LPCAT3: variants seen among roughly 807,000 people sequenced by gnomAD.
LPCAT3 encodes lysophospholipid acyltransferase 5.
LPCAT3 carries 21 observed loss-of-function variants against 63.4 expected under a neutral mutation model. The ratio of observed to expected loss-of-function variants is 0.33; its 90% CI spans 0.23 to 0.48. The LOEUF (loss-of-function observed/expected upper bound fraction) is 0.48. Ranked by LOEUF, LPCAT3 falls within the 20% of genes least tolerant of loss-of-function variation. The pLI, the probability that LPCAT3 is intolerant of heterozygous loss-of-function variation, is 0.99. For synonymous variants in LPCAT3, 242 were observed against 227.5 expected, an observed-to-expected ratio of 1.06 and a Z score of -0.58; for missense variants, 451 against 590.6, an observed-to-expected ratio of 0.76 and a Z score of 2.45.
At chr12:6,979,662 G>A in intron 6 of LPCAT3, 83 bp from the exon 7 acceptor site, 1 of 900,880 alleles carries the variant, frequency 1.1e-6, no homozygotes, top group Non-Finnish European at 1.8e-6. Context: ...ATGGAGAGGA[G>A]TGTTTAGGGG....
intron 1 of LPCAT3, among the ~76,000 whole-genome samples, chr12:6,991,849 T>C (rs1234218438): frequency 1.1e-4 from 16 of 152,148 alleles, no homozygotes; most frequent in African/African-American, 3.6e-4. Flanking sequence ...ACTCTACCAG[T>C]GTGCAGCAGA....
chr12:6,998,675 G>T (rs781936375), intron 1 of LPCAT3, among the ~76,000 whole-genome samples: 1 of 152,146 alleles, frequency 6.6e-6, no homozygotes, highest in Non-Finnish European at 1.5e-5. Context: ...TGGACATTTA[G>T]GTGGGGATAT....
chr12:6,988,101 T>C, intron 1 of LPCAT3: 1 of 290,438 alleles, frequency 3.4e-6, no homozygotes, highest in Non-Finnish European at 6.3e-6. Context: ...GCTTTCCTTA[T>C]GGACTTAGGC....
In LPCAT3 at chr12:6,977,487, C is replaced by T; in HGVS notation, c.1227G>A (p.Lys409=). The T allele has an allele frequency of 6.2e-7, 1 of 1,614,192 alleles. No homozygotes were observed. Among genetic ancestry groups the T allele is most frequent in the African/African-American group, 1.3e-5 (1 of 75,054 alleles). The change falls in exon 11 of 13, where the codon AAG becomes AAA. Residue 409 remains lysine, a synonymous_variant. Transcript: ENST00000261407. The surrounding 1 kb of genome is among the most constrained non-coding windows in gnomAD (Gnocchi z 4.5). ...RLIQESPTLS[K]LAAITVLQPF... ...GCTGGAGGACAGTAATGGCGGCCAGCTTGCTCAGGGTGGGGCTCTCTTGAA... is the reference window on the plus strand; with the variant it reads ...GCTGGAGGACAGTAATGGCGGCCAGTTTGCTCAGGGTGGGGCTCTCTTGAA...
rs782263726 is a variant in LPCAT3, at chr12:6,981,580, T to A, written c.498+15A>T. 1.2e-6 allele frequency: 2 copies of A among 1,613,718 alleles called. No homozygotes were observed. Among genetic ancestry groups the A allele is most frequent in the South Asian group, 2.2e-5 (2 of 91,084 alleles). On this transcript the variant is annotated intron_variant, in intron 5 of 12. Coordinates refer to ENST00000261407, the MANE Select transcript of LPCAT3 (RefSeq NM_005768.6). Reference sequence around the variant, plus strand: ...ATTAAGTCTTGAACCTCTCTGCCGATGAATGGGTACTTACCTGATCTTTCC... The same window carrying A: ...ATTAAGTCTTGAACCTCTCTGCCGAAGAATGGGTACTTACCTGATCTTTCC...
At chr12:6,985,005 C>T (rs1296070794) in intron 1 of LPCAT3, among the ~76,000 whole-genome samples, 1 of 150,374 alleles carries the variant, frequency 6.7e-6, no homozygotes, top group Non-Finnish European at 1.5e-5. Context: ...AAATAAATTG[C>T]TCAATTATTT....
intron 1 of LPCAT3, among the ~76,000 whole-genome samples, chr12:6,989,132 A>T (rs1461715875): frequency 6.6e-6 from 1 of 152,022 alleles, no homozygotes; most frequent in Middle Eastern, 3.2e-3. Context: ...CAAAAAAAAA[A>T]AAAGAACTTG....
At chr12:6,980,969 C>T in intron 6 of LPCAT3, 35 bp downstream of exon 6, 1 of 1,537,136 alleles carries the variant, frequency 6.5e-7, no homozygotes, top group African/African-American at 1.4e-5. Context: ...GAGTGAAATA[C>T]CTACACAAAC....
Position 6,981,044 on chromosome 12 carries a change from G to A in LPCAT3, c.637C>T (p.Gln213Ter). ...CCTGGTATGTCAATCAGCTCTCCCTGCACCAGCTTCATGTAGTGATTCATT... is the reference window on the plus strand; with the variant it reads ...CCTGGTATGTCAATCAGCTCTCCCTACACCAGCTTCATGTAGTGATTCATT... ...FSMNHYMKLV[Q>*]GELIDIPGKI... is the part of the protein sequence containing the mutation. The change falls in exon 6 of 13, where the codon CAG becomes TAG. Residue 213 changes from glutamine (Q) to a stop codon, truncating the protein, a stop_gained. Transcript: ENST00000261407. LOFTEE classifies it high-confidence loss of function. 1 of 1,610,604 alleles carries A rather than the reference G, an allele frequency of 6.2e-7. No individual in the cohort carries two copies. Among genetic ancestry groups the A allele is most frequent in the Non-Finnish European group, 8.5e-7 (1 of 1,178,708 alleles).
chr12:7,001,555 T>C (rs782390872), intron 1 of LPCAT3: 41 of 455,410 alleles, frequency 9.0e-5, no homozygotes, highest in Non-Finnish European at 1.5e-4. Context: ...GGCGCGGTGT[T>C]GGTGTTGGTA....
intron 1 of LPCAT3, among the ~76,000 whole-genome samples, chr12:6,984,006 C>T (rs1186405527): frequency 2.0e-5 from 3 of 152,126 alleles, no homozygotes; most frequent in Non-Finnish European, 4.4e-5. Context: ...AAGATTTGAG[C>T]GTACCCATCT....
chr12:6,990,117 A>G (rs936073429), intron 1 of LPCAT3, among the ~76,000 whole-genome samples: 2 of 151,690 alleles, frequency 1.3e-5, no homozygotes, highest in African/African-American at 4.8e-5. Flanking sequence ...GACAGAAGCT[A>G]CAATGAGCTA....
In LPCAT3 at chr12:6,987,032, G is replaced by C. The variant is rs972462861; in HGVS notation, c.152-3493C>G. Among the ~76,000 whole-genome samples, 2 of 151,864 alleles carry C rather than the reference G, an allele frequency of 1.3e-5. No homozygotes were observed. Among genetic ancestry groups the C allele is most frequent in the Non-Finnish European group, 2.9e-5 (2 of 68,014 alleles). On this transcript the variant is annotated intron_variant, in intron 1 of 12. Transcript: ENST00000261407. The surrounding 1 kb of genome is among the most constrained non-coding windows in gnomAD (Gnocchi z 4.1). ...GGAAGCTGAGGCAGGAGAATTGCTT[G>C]AACCCAGGAGGCGGAGGTGGCAGTG...
intron 3 of LPCAT3, 115 bp from the exon 4 acceptor site, chr12:6,982,019 A>G: frequency 1.5e-6 from 1 of 655,376 alleles, no homozygotes; most frequent in South Asian, 1.8e-5. Flanking sequence ...AAAAGCCTTA[A>G]TAAATTCCTA....
intron 1 of LPCAT3, among the ~76,000 whole-genome samples, chr12:6,989,804 G>T (rs1156429379): frequency 1.3e-5 from 2 of 152,174 alleles, no homozygotes; most frequent in Non-Finnish European, 2.9e-5. Flanking sequence ...CTGTACAATA[G>T]TTGTGAGATT....
chr12:6,978,738 G>A (rs1817910311), intron 7 of LPCAT3, 49 bp from the exon 8 acceptor site: 2 of 1,604,768 alleles, frequency 1.2e-6, no homozygotes, highest in Non-Finnish European at 1.7e-6. Flanking sequence ...TGACTAGGCA[G>A]TTTCTCTCAG....
intron 1 of LPCAT3, 117 bp from the exon 2 acceptor site, chr12:6,983,656 A>T: frequency 1.5e-6 from 1 of 670,750 alleles, no homozygotes; most frequent in South Asian, 1.7e-5. Context: ...AAAAAACAAC[A>T]TACATTATAT....
chr12:7,018,265 G>A lies in LPCAT3; in HGVS notation c.151+9C>T, dbSNP rs1555157766. 2 of 1,593,918 alleles carry A rather than the reference G, an allele frequency of 1.3e-6. No individual in the cohort carries two copies. Among genetic ancestry groups the A allele is most frequent in the South Asian group, 1.1e-5 (1 of 87,896 alleles). ...CGCGAGGGGCGGAGGGAGGCAGGAG[G>A]GTCCTTACCCAGGAAGATGGAGATG... On this transcript the variant is annotated intron_variant, in intron 1 of 12. Transcript: ENST00000261407. The surrounding 1 kb of genome is among the most constrained non-coding windows in gnomAD (Gnocchi z 4.9).
chr12:6,990,458 G>A (rs1946577211), intron 1 of LPCAT3, among the ~76,000 whole-genome samples: 2 of 140,740 alleles, frequency 1.4e-5, no homozygotes, highest in African/African-American at 5.3e-5. Flanking sequence ...GCAGTGAGCC[G>A]AGATTGTGCC....
Sources: gnomAD v4.1 joint callset for allele counts (sites outside exome capture counted in the v4.1 genomes callset) on GRCh38, gnomAD v4.1.1 for gene constraint, Gnocchi (gnomAD v3.1) non-coding constraint, MANE v1.5 for transcripts, NCBI Gene and HGNC (gene_info 2026-07-23, HGNC 2026-07-21) for gene names.